Variants in DNM1 observed in about 807,000 individuals in gnomAD.
DNM1 encodes the protein dynamin-1.
In DNM1, 29 loss-of-function variants were observed where a neutral mutation model predicts 104.6. The observed-to-expected ratio is 0.28, with a 90% CI of 0.21 to 0.38. The LOEUF (loss-of-function observed/expected upper bound fraction) is 0.38. Among genes scored for constraint, DNM1 ranks in the 10% least tolerant of loss-of-function variants. The pLI, the probability that DNM1 is intolerant of heterozygous loss-of-function variation, is 1.00. For missense variants in DNM1, 640 were observed against 1,189.4 expected (o/e 0.54, Z 6.79); for synonymous variants, 445 against 475.8 (o/e 0.94, Z 0.84).
At chr9:128,211,875 G>T (rs1391552085) in intron 1 of DNM1, among the ~76,000 whole-genome samples, 1 of 152,198 alleles carries the variant, frequency 6.6e-6, no homozygotes, top group African/African-American at 2.4e-5. Context: ...TGGGCTCAGA[G>T]CTCCTGGCAG....
chr9:128,240,004 C>G lies in DNM1; in HGVS notation c.1557+8C>G. The G allele has an allele frequency of 6.2e-7, 1 of 1,614,108 alleles. No individual in the cohort carries two copies. The highest frequency in any genetic ancestry group is 1.1e-5 in the South Asian group (1 of 91,086). ...TTGCAGGATGAGATTCTGGTGAGTA[C>G]CAGGACTGGGGCTCTCGGCTTGTGT... On this transcript the variant is annotated splice_region_variant and intron_variant, in intron 14 of 21. Transcript: ENST00000372923. The surrounding 1 kb of genome is among the most constrained non-coding windows in gnomAD (Gnocchi z 5.1).
chr9:128,211,413 C>A (rs1223519618), intron 1 of DNM1, among the ~76,000 whole-genome samples: 6 of 150,666 alleles, frequency 4.0e-5, no homozygotes, highest in Non-Finnish European at 8.9e-5. Flanking sequence ...TAGGGCCGTG[C>A]CCTCTCTCTC....
intron 15 of DNM1, among the ~76,000 whole-genome samples, chr9:128,244,515 C>G (rs1836627692): frequency 6.6e-6 from 1 of 151,904 alleles, no homozygotes; most frequent in Non-Finnish European, 1.5e-5. Flanking sequence ...GCCCACATCC[C>G]CAGTCCCCAT....
At chr9:128,232,093 G>T (rs1371436011) in intron 10 of DNM1, 4 of 454,146 alleles carry the variant, frequency 8.8e-6, no homozygotes, top group African/African-American at 4.0e-5. Flanking sequence ...TGGGTGACAC[G>T]TGGAAAACTT....
chr9:128,207,538 C>T (rs1834043132), intron 1 of DNM1, among the ~76,000 whole-genome samples: 2 of 147,604 alleles, frequency 1.4e-5, no homozygotes. Flanking sequence ...AGTGGGTTGT[C>T]CTAGGGCAGG....
At chr9:128,212,838 A>G (rs139811773) in intron 1 of DNM1, among the ~76,000 whole-genome samples, 348 of 152,356 alleles carry the variant, frequency 2.3e-3, no homozygotes, top group African/African-American at 8.2e-3. Context: ...TCTTTGGTAT[A>G]TTCACAGAGT....
At position 128,253,735 on chromosome 9, in the gene DNM1, A is replaced by G. The variant is rs748543819; in HGVS notation, c.2535-919A>G. 7.8e-5 allele frequency: 27 copies of G among 346,142 alleles called. No individual in the cohort carries two copies. Among genetic ancestry groups the G allele is most frequent in the Non-Finnish European group, 1.2e-4 (24 of 196,274 alleles). 21.4% of individuals were successfully genotyped at this position (346,142 alleles called of 1,614,324 possible). ...CCCATACACACGGTCATCCCACGAC[A>G]TACCTCACAGGCCAGGCAGGGACAC... is the stretch of plus-strand genomic sequence containing the variant. On this transcript the variant is annotated intron_variant, in intron 21 of 21. Coordinates refer to ENST00000372923, the MANE Select transcript of DNM1 (RefSeq NM_004408.4). This position sits in a 1 kb window ranked among gnomAD's most constrained non-coding sequence, Gnocchi z 5.9.
intron 21 of DNM1, chr9:128,252,112 C>T (rs1370036145): frequency 9.8e-6 from 2 of 204,996 alleles, no homozygotes; most frequent in Non-Finnish European, 2.0e-5. Context: ...AGCATCCCTT[C>T]TATCAAATGA....
chr9:128,253,087 G>C lies in DNM1; in HGVS notation c.2535-1567G>C. Reference sequence around the variant, plus strand: ...GCGTGTGAACTGCCATGTTGATTTCGTGCTGTCTTTCAGAATCACTATCAG... The same window carrying C: ...GCGTGTGAACTGCCATGTTGATTTCCTGCTGTCTTTCAGAATCACTATCAG... On this transcript the variant is annotated intron_variant, in intron 21 of 21. Transcript: ENST00000372923. This position sits in a 1 kb window ranked among gnomAD's most constrained non-coding sequence, Gnocchi z 5.9. 1.2e-6 allele frequency: 2 copies of C among 1,611,188 alleles called. No individual in the cohort carries two copies. The highest frequency in any genetic ancestry group is 1.7e-6 in the Non-Finnish European group (2 of 1,179,954).
chr9:128,213,475 C>G (rs1277976211), intron 1 of DNM1, among the ~76,000 whole-genome samples: 1 of 139,014 alleles, frequency 7.2e-6, no homozygotes, highest in African/African-American at 2.6e-5. Context: ...AGTCATCAAC[C>G]CTTGGATTGA....
Position 128,250,092 on chromosome 9 carries a change from C to T in DNM1, c.2077-23C>T, listed in dbSNP as rs767907000. ...GGCACAGGCATCAGGTCCCCACCTCCTTCCCTCTTTGCCTACTCGCAGACC... is the reference window on the plus strand; with the variant it reads ...GGCACAGGCATCAGGTCCCCACCTCTTTCCCTCTTTGCCTACTCGCAGACC... On this transcript the variant is annotated intron_variant, in intron 19 of 21. Coordinates refer to ENST00000372923, the MANE Select transcript of DNM1 (RefSeq NM_004408.4). The T allele has an allele frequency of 4.3e-6, 7 of 1,613,840 alleles. No individual in the cohort carries two copies. In the Admixed American group the frequency reaches 1.0e-4, roughly 23 times the overall value.
At position 128,250,792 on chromosome 9, in the gene DNM1, CG is replaced by C; in HGVS notation, c.2390del (p.Gly797AlafsTer91). On this transcript the variant is annotated frameshift_variant, in exon 21 of 22. Coordinates refer to ENST00000372923, the MANE Select transcript of DNM1 (RefSeq NM_004408.4). LOFTEE classifies it high-confidence loss of function. The part of the protein sequence containing the change: ...PAVPPARPGS[R>X]GPAPGPPPAG... Reference sequence around the variant, plus strand: ...CGTGCCCCCAGCCCGGCCCGGGTCGCGGGGCCCTGCTCCTGGGCCTCCGCCT... The same window carrying C: ...CGTGCCCCCAGCCCGGCCCGGGTCGCGGGCCCTGCTCCTGGGCCTCCGCCT... 2 of 1,366,134 alleles carry C rather than the reference CG, an allele frequency of 1.5e-6. No homozygotes were observed. The highest frequency in any genetic ancestry group is 1.9e-6 in the Non-Finnish European group (2 of 1,069,268). 84.6% of individuals were successfully genotyped at this position (1,366,134 alleles called of 1,614,324 possible). A position where few individuals can be genotyped will look rare whatever the true frequency, so the allele number is the denominator to read the frequency against.
intron 15 of DNM1, chr9:128,244,804 G>A (rs1176138186): frequency 3.7e-6 from 2 of 533,922 alleles, no homozygotes; most frequent in Admixed American, 1.9e-5. Context: ...CTAAACACTG[G>A]GTAGACGGAG....
chr9:128,203,721 A>AGCCCCCGACGCTGCACCCGCG lies in DNM1; in HGVS notation c.161+94_161+114dup. 1 of 1,241,810 alleles carries AGCCCCCGACGCTGCACCCGCG rather than the reference A, an allele frequency of 8.1e-7. No homozygotes were observed. Among genetic ancestry groups the AGCCCCCGACGCTGCACCCGCG allele is most frequent in the South Asian group, 2.1e-5 (1 of 47,150 alleles). The allele number at this position is 1,241,810 out of a possible 1,614,324, so 76.9% of individuals were successfully genotyped here. On this transcript the variant is annotated intron_variant, in intron 1 of 21. Transcript: ENST00000372923. This position sits in a 1 kb window ranked among gnomAD's most constrained non-coding sequence, Gnocchi z 5.3. Reference sequence around the variant, plus strand: ...GGCACTGACGGCGCGGCGACCTCGCAGCCCCCGACGCTGCACCCGCGGCCG... The same window carrying AGCCCCCGACGCTGCACCCGCG: ...GGCACTGACGGCGCGGCGACCTCGCAGCCCCCGACGCTGCACCCGCGGCCCCCGACGCTGCACCCGCGGCCG...
intron 15 of DNM1, among the ~76,000 whole-genome samples, chr9:128,244,067 G>C (rs573766096): frequency 6.6e-6 from 1 of 151,860 alleles, no homozygotes; most frequent in Non-Finnish European, 1.5e-5. Flanking sequence ...GCATCTGGGG[G>C]TGAAATCTGT....
At chr9:128,236,675 A>T (rs763412410) in intron 11 of DNM1, among the ~76,000 whole-genome samples, 57 of 151,874 alleles carry the variant, frequency 3.8e-4, no homozygotes, top group Admixed American at 9.2e-4. Context: ...ACATGGCAAG[A>T]CCCCGTCTCT....
chr9:128,221,864 C>T (rs1388096945), intron 6 of DNM1, among the ~76,000 whole-genome samples: 1 of 152,096 alleles, frequency 6.6e-6, no homozygotes, highest in Non-Finnish European at 1.5e-5. Context: ...CACGCCATTG[C>T]ACTCCAGCCT....
chr9:128,243,577 T>C lies in DNM1; in HGVS notation c.1671+1232T>C, dbSNP rs1836535855. Among the ~76,000 whole-genome samples the C allele has an allele frequency of 2.0e-5, 3 of 151,988 alleles. No homozygotes were observed. In the South Asian group the frequency reaches 6.2e-4, roughly 32 times the overall value. The stretch of plus-strand genomic sequence containing the variant: ...ACCCCAACCCTGGCCTCCCCCACCA[T>C]GGGGGCCCCTGGAAGGGATGGAGTG... On this transcript the variant is annotated intron_variant, in intron 15 of 21. Transcript: ENST00000372923. The surrounding 1 kb of genome is among the most constrained non-coding windows in gnomAD (Gnocchi z 4.0).
chr9:128,249,866 C>G (rs1829408284), intron 19 of DNM1, among the ~76,000 whole-genome samples: 1 of 152,090 alleles, frequency 6.6e-6, no homozygotes, highest in African/African-American at 2.4e-5. Flanking sequence ...GACAAGAGTT[C>G]TGGTGGCATG....
Sources: allele counts gnomAD v4.1 joint callset (sites outside exome capture counted in the v4.1 genomes callset), GRCh38; gene constraint gnomAD v4.1.1; non-coding constraint Gnocchi (gnomAD v3.1); transcripts MANE v1.5; gene names NCBI Gene and HGNC (gene_info 2026-07-23, HGNC 2026-07-21).